The following CCDC148 variants were observed in gnomAD, a reference collection of about 807,000 sequenced individuals.
The protein encoded by CCDC148 is coiled-coil domain containing 148, also known as coiled-coil domain-containing protein 148.
In CCDC148, 89 loss-of-function variants were observed where a neutral mutation model predicts 85.7. The ratio of observed to expected loss-of-function variants is 1.04; its 90% CI spans 0.87 to 1.24. The LOEUF is 1.24. CCDC148 is among the 50% of genes most tolerant of loss of function. CCDC148 has a pLI of 0.00. For missense variants in CCDC148, 692 were observed against 671.7 expected (o/e 1.03, Z -0.33); for synonymous variants, 230 against 213.9 (o/e 1.08, Z -0.66).
At chr2:158,436,013 C>T (rs1407658712) in intron 1 of CCDC148, among the ~76,000 whole-genome samples, 2 of 152,154 alleles carry the variant, frequency 1.3e-5, no homozygotes, top group African/African-American at 2.4e-5. Context: ...CTTAGACCCC[C>T]ACACAATAAT....
chr2:158,218,003 T>G (rs1225531576), intron 11 of CCDC148, among the ~76,000 whole-genome samples: 2 of 152,212 alleles, frequency 1.3e-5, no homozygotes, highest in Non-Finnish European at 2.9e-5. Context: ...GCAAAAACTA[T>G]CAGCAATTTT....
At chr2:158,399,851 G>T (rs1316656381) in intron 1 of CCDC148, among the ~76,000 whole-genome samples, 1 of 151,714 alleles carries the variant, frequency 6.6e-6, no homozygotes, top group Non-Finnish European at 1.5e-5. Context: ...GTTTGCAGAT[G>T]ACATGATTGT....
chr2:158,237,519 A>G (rs1261466485), intron 10 of CCDC148, among the ~76,000 whole-genome samples: 1 of 152,194 alleles, frequency 6.6e-6, no homozygotes, highest in East Asian at 1.9e-4. Flanking sequence ...TAAGGGCGGA[A>G]ACAGAAGTCA....
chr2:158,221,068 T>A (rs1468397962), intron 10 of CCDC148, among the ~76,000 whole-genome samples: 1 of 152,226 alleles, frequency 6.6e-6, no homozygotes, highest in East Asian at 1.9e-4. Context: ...CAAGAATATT[T>A]TTATCTTCTT....
chr2:158,188,244 G>C (rs909675366), intron 11 of CCDC148, among the ~76,000 whole-genome samples: 2 of 151,920 alleles, frequency 1.3e-5, no homozygotes, highest in Non-Finnish European at 2.9e-5. Context: ...GGTCATTTCA[G>C]CTACTTAAAA....
chr2:158,228,797 C>A (rs10179496), intron 10 of CCDC148, among the ~76,000 whole-genome samples: 3 of 130,174 alleles, frequency 2.3e-5, no homozygotes, highest in African/African-American at 6.2e-5. Flanking sequence ...ATCACACACC[C>A]GGGCCTGTTG....
At chr2:158,337,931 T>C (rs1018460409) in intron 7 of CCDC148, among the ~76,000 whole-genome samples, 3 of 152,212 alleles carry the variant, frequency 2.0e-5, no homozygotes, top group Admixed American at 2.0e-4. Context: ...ATTCCAAAGT[T>C]ATAAACCTTT....
intron 1 of CCDC148, among the ~76,000 whole-genome samples, chr2:158,405,771 A>T (rs1402190588): frequency 6.6e-6 from 1 of 152,210 alleles, no homozygotes; most frequent in East Asian, 1.9e-4. Context: ...AGTAGACATA[A>T]TATGAATTAT....
rs186282763 is a variant in CCDC148, at chr2:158,398,391, A to G, written c.26-39821T>C. On this transcript the variant is annotated intron_variant, in intron 1 of 13. Transcript: ENST00000283233. ...CATAGTTGGAAGTAAAACACTCCTCAGCAAATGTAAAATAACAGAAATCAC... is the reference window on the plus strand; with the variant it reads ...CATAGTTGGAAGTAAAACACTCCTCGGCAAATGTAAAATAACAGAAATCAC... 2.6e-3 allele frequency among the ~76,000 whole-genome samples: 398 copies of G among 152,270 alleles called. 4 individuals carry two copies. Among genetic ancestry groups the G allele is most frequent in the African/African-American group, 8.9e-3 (370 of 41,534 alleles).
intron 1 of CCDC148, among the ~76,000 whole-genome samples, chr2:158,431,664 A>G (rs1687358302): frequency 6.6e-6 from 1 of 152,222 alleles, no homozygotes; most frequent in Non-Finnish European, 1.5e-5. Flanking sequence ...AAGGCCAAGC[A>G]CAGTGGCTCA....
chr2:158,266,730 C>T (rs564768461), intron 9 of CCDC148, among the ~76,000 whole-genome samples: 1 of 152,172 alleles, frequency 6.6e-6, no homozygotes, highest in African/African-American at 2.4e-5. Flanking sequence ...GTTTGGTTTT[C>T]CATTCCTGAG....
intron 2 of CCDC148, 138 bp downstream of exon 2, chr2:158,358,311 G>A (rs1022460824): frequency 3.2e-6 from 3 of 932,890 alleles, no homozygotes; most frequent in Non-Finnish European, 4.8e-6. Context: ...AATGTTAGCT[G>A]CTATTCACTA....
intron 7 of CCDC148, among the ~76,000 whole-genome samples, chr2:158,326,102 G>GC (rs941541187): frequency 1.3e-4 from 20 of 152,088 alleles, no homozygotes; most frequent in African/African-American, 4.3e-4. Flanking sequence ...TAAATGTCCT[G>GC]CCCCCCATCC....
chr2:158,183,617 A>T (rs1280107848), intron 11 of CCDC148, among the ~76,000 whole-genome samples: 1 of 152,194 alleles, frequency 6.6e-6, no homozygotes, highest in Non-Finnish European at 1.5e-5. Context: ...ATAAAGACGT[A>T]TCTTCATTAG....
At chr2:158,386,022 T>A (rs868270079) in intron 1 of CCDC148, among the ~76,000 whole-genome samples, 4 of 152,156 alleles carry the variant, frequency 2.6e-5, no homozygotes, top group Admixed American at 6.5e-5. Context: ...TTACACTAAA[T>A]TGGTTATATT....
chr2:158,204,967 T>C (rs1438776692), intron 11 of CCDC148, among the ~76,000 whole-genome samples: 1 of 152,042 alleles, frequency 6.6e-6, no homozygotes, highest in Non-Finnish European at 1.5e-5. Context: ...GGGGCAGGAC[T>C]CCAGTGAGAG....
chr2:158,215,678 A>T (rs987189378), intron 11 of CCDC148, among the ~76,000 whole-genome samples: 1 of 152,206 alleles, frequency 6.6e-6, no homozygotes, highest in Non-Finnish European at 1.5e-5. Context: ...ATATGCCAGC[A>T]GCAACCTATA....
At chr2:158,228,133 A>G (rs1310127541) in intron 10 of CCDC148, among the ~76,000 whole-genome samples, 1 of 152,236 alleles carries the variant, frequency 6.6e-6, no homozygotes, top group Non-Finnish European at 1.5e-5. Context: ...CAACCCCATC[A>G]AAAAGTGGGC....
At chr2:158,350,594 T>A (rs143971074) in intron 2 of CCDC148, among the ~76,000 whole-genome samples, 2 of 152,288 alleles carry the variant, frequency 1.3e-5, no homozygotes, top group East Asian at 3.9e-4. Flanking sequence ...TTCTAAAACA[T>A]GAAAAGTATC....
Sources: allele counts gnomAD v4.1 joint callset (sites outside exome capture counted in the v4.1 genomes callset), GRCh38; gene constraint gnomAD v4.1.1; transcripts MANE v1.5; gene names NCBI Gene and HGNC (gene_info 2026-07-23, HGNC 2026-07-21).